The following NACC2 variants were observed in gnomAD, a reference collection of about 807,000 sequenced individuals.
The protein encoded by NACC2 is NACC family member 2.
NACC2 carries 8 observed loss-of-function variants against 25.1 expected under a neutral mutation model. The observed-to-expected ratio is 0.32, with a 90% CI of 0.19 to 0.57. The LOEUF (loss-of-function observed/expected upper bound fraction) is 0.57, where lower values mean the gene tolerates loss of function less well. Among genes scored for constraint, NACC2 ranks in the 20% least tolerant of loss-of-function variants. The pLI is 0.89. For synonymous variants in NACC2, 435 were observed against 294.7 expected, an observed-to-expected ratio of 1.48 and a Z score of -4.88; for missense variants, 644 against 650.2, an observed-to-expected ratio of 0.99 and a Z score of 0.10.
At position 136,084,794 on chromosome 9, in the gene NACC2, G is replaced by A. The variant is rs201607376; in HGVS notation, c.-60+10395C>T. ...CTCCGCCACTCCCTGCAACCCGGAGGAGCCGTGGGGAGAGGGTGCGGAGCA... is the reference window on the plus strand; with the variant it reads ...CTCCGCCACTCCCTGCAACCCGGAGAAGCCGTGGGGAGAGGGTGCGGAGCA... On this transcript the variant is annotated intron_variant, in intron 1 of 5. Transcript: ENST00000277554. The surrounding 1 kb of genome is among the most constrained non-coding windows in gnomAD (Gnocchi z 5.1). 6.6e-6 allele frequency among the ~76,000 whole-genome samples: 1 copy of A among 152,248 alleles called. No homozygotes were observed. Among genetic ancestry groups the A allele is most frequent in the East Asian group, 1.9e-4 (1 of 5,200 alleles).
At chr9:136,048,340 G>A (rs985874691) in intron 2 of NACC2, among the ~76,000 whole-genome samples, 29 of 152,318 alleles carry the variant, frequency 1.9e-4, no homozygotes, top group African/African-American at 5.8e-4. Flanking sequence ...TCAGCCAGCC[G>A]GGTCCACAAG....
intron 2 of NACC2, among the ~76,000 whole-genome samples, chr9:136,043,026 TCA>T (rs988010932): frequency 9.5e-5 from 14 of 146,772 alleles, no homozygotes; most frequent in African/African-American, 3.5e-4. Flanking sequence ...AGGCAGGAAT[TCA>T]CACACAGACA....
At chr9:136,038,726 A>G (rs1249938413) in intron 2 of NACC2, among the ~76,000 whole-genome samples, 2 of 152,314 alleles carry the variant, frequency 1.3e-5, no homozygotes, top group Non-Finnish European at 2.9e-5. Context: ...GGACTGGAGG[A>G]GGAACATGAG....
chr9:136,072,774 C>G, intron 1 of NACC2, among the ~76,000 whole-genome samples: 1 of 152,088 alleles, frequency 6.6e-6, no homozygotes, highest in Admixed American at 6.5e-5. Flanking sequence ...CACTTGAACT[C>G]AGGAGGCGGA....
chr9:136,012,061 C>T (rs984803574), intron 5 of NACC2, 37 bp from the exon 6 acceptor site: 1 of 1,475,042 alleles, frequency 6.8e-7, no homozygotes, highest in Non-Finnish European at 9.0e-7. Flanking sequence ...AGCCACCTGC[C>T]TGCCGGGAGG....
chr9:136,063,822 G>A (rs918054428), intron 1 of NACC2, among the ~76,000 whole-genome samples: 2 of 150,610 alleles, frequency 1.3e-5, no homozygotes, highest in Admixed American at 1.3e-4. Context: ...GGTGGAGGTT[G>A]CAGTGAGCCG....
At chr9:136,094,892 C>T (rs1397746964) in intron 1 of NACC2, among the ~76,000 whole-genome samples, 4 of 150,240 alleles carry the variant, frequency 2.7e-5, no homozygotes, top group Non-Finnish European at 5.9e-5. Context: ...ACGCCCGGAG[C>T]CGGGGTCTCC....
intron 1 of NACC2, among the ~76,000 whole-genome samples, chr9:136,073,493 G>T (rs999344853): frequency 6.6e-6 from 1 of 152,128 alleles, no homozygotes; most frequent in Non-Finnish European, 1.5e-5. Context: ...TGGACAGGGG[G>T]TGTGAGCGTG....
At chr9:136,024,172 G>C (rs1167247070) in intron 2 of NACC2, among the ~76,000 whole-genome samples, 2 of 146,890 alleles carry the variant, frequency 1.4e-5, no homozygotes, top group African/African-American at 5.1e-5. Context: ...GTGTGTGTGT[G>C]TGTGTGAGGA....
At chr9:136,050,618 G>A (rs1840814885) in intron 1 of NACC2, 38 bp from the exon 2 acceptor site, 4 of 690,486 alleles carry the variant, frequency 5.8e-6, no homozygotes, top group South Asian at 3.0e-5. Context: ...GTTCCTCCAG[G>A]TCACGGGCTC....
intron 2 of NACC2, among the ~76,000 whole-genome samples, chr9:136,047,552 G>A (rs1004605669): frequency 9.9e-5 from 15 of 152,174 alleles, no homozygotes; most frequent in Non-Finnish European, 1.8e-4. Flanking sequence ...AGAGAATGCC[G>A]CGCAGCACCT....
chr9:136,051,338 G>A (rs1183604677), intron 1 of NACC2, among the ~76,000 whole-genome samples: 1 of 152,176 alleles, frequency 6.6e-6, no homozygotes, highest in Non-Finnish European at 1.5e-5. Context: ...GAAGCCTGTC[G>A]CAGCCCCACT....
At chr9:136,026,343 CAAAAAAAAAAAAAA>C (rs34514433) in intron 2 of NACC2, among the ~76,000 whole-genome samples, 2 of 45,546 alleles carry the variant, frequency 4.4e-5, no homozygotes, top group Non-Finnish European at 8.0e-5. Context: ...AACTCCATCT[CAAAAAAAAAAAAAA>C]AAAAAAAAAA....
In NACC2 at chr9:136,013,848, T is replaced by C. The variant is rs1840152677; in HGVS notation, c.1157+16A>G. The C allele has an allele frequency of 2.5e-6, 4 of 1,610,130 alleles. No homozygotes were observed. The highest frequency in any genetic ancestry group is 3.4e-6 in the Non-Finnish European group (4 of 1,178,116). ...GCAGCTCCATTGTGCCCTCCAGCAC[T>C]CCTGCCCCGACCTACCTGTCAAAGA... On this transcript the variant is annotated intron_variant, in intron 4 of 5. Transcript: ENST00000277554. The surrounding 1 kb of genome is among the most constrained non-coding windows in gnomAD (Gnocchi z 6.6).
chr9:136,094,551 G>T (rs1363520523), intron 1 of NACC2, among the ~76,000 whole-genome samples: 2 of 152,180 alleles, frequency 1.3e-5, no homozygotes, highest in Non-Finnish European at 2.9e-5. Flanking sequence ...GCTCCGCAGA[G>T]GCACAGAAGC....
intron 1 of NACC2, among the ~76,000 whole-genome samples, chr9:136,092,076 G>A (rs1490251095): frequency 6.6e-6 from 1 of 152,200 alleles, no homozygotes; most frequent in African/African-American, 2.4e-5. Context: ...CGGTGTGGGG[G>A]CCACACACAG....
chr9:136,056,105 C>T (rs576184868), intron 1 of NACC2, among the ~76,000 whole-genome samples: 66 of 152,248 alleles, frequency 4.3e-4, no homozygotes, highest in African/African-American at 1.5e-3. Flanking sequence ...GACAAGGGGG[C>T]GGCAGGGGGC....
At chr9:136,051,049 G>T (rs1012892636) in intron 1 of NACC2, among the ~76,000 whole-genome samples, 1 of 152,222 alleles carries the variant, frequency 6.6e-6, no homozygotes, top group African/African-American at 2.4e-5. Flanking sequence ...GAGGGAGGGG[G>T]GTCTCTGGAG....
At position 136,086,812 on chromosome 9, in the gene NACC2, G is replaced by A. The variant is rs1021047744; in HGVS notation, c.-60+8377C>T. The stretch of plus-strand genomic sequence containing the variant: ...CCCATCCAGGTGCCATCCCAGCAGC[G>A]GCTGCTGTCTGTGCCTGGCTCCTCC... On this transcript the variant is annotated intron_variant, in intron 1 of 5. Transcript: ENST00000277554. The surrounding 1 kb of genome is among the most constrained non-coding windows in gnomAD (Gnocchi z 5.6). Among the ~76,000 whole-genome samples the A allele has an allele frequency of 2.6e-5, 4 of 151,956 alleles. No homozygotes were observed. The highest frequency in any genetic ancestry group is 1.9e-4 in the East Asian group (1 of 5,186).
Sources: gnomAD v4.1 joint callset for allele counts (sites outside exome capture counted in the v4.1 genomes callset) on GRCh38, gnomAD v4.1.1 for gene constraint, Gnocchi (gnomAD v3.1) non-coding constraint, MANE v1.5 for transcripts, NCBI Gene and HGNC (gene_info 2026-07-23, HGNC 2026-07-21) for gene names.